Variants in MYO6 observed in about 807,000 individuals in gnomAD.
The protein encoded by MYO6 is myosin VI, also known as unconventional myosin-VI.
Under a neutral mutation model 178.7 loss-of-function variants are expected in MYO6, and 74 were observed. That is an observed-to-expected ratio of 0.41 (90% CI 0.34 to 0.50). The LOEUF (loss-of-function observed/expected upper bound fraction) is 0.50. MYO6 is among the 20% of genes least tolerant of loss of function. The probability of loss-of-function intolerance (pLI) is 0.09; values close to 1 mark genes in which losing one functional copy is unlikely to be tolerated. For missense variants in MYO6, 1,330 were observed against 1,547.4 expected, an observed-to-expected ratio of 0.86 and a Z score of 2.36; for synonymous variants, 477 against 504.6, an observed-to-expected ratio of 0.95 and a Z score of 0.73.
intron 4 of MYO6, among the ~76,000 whole-genome samples, chr6:75,829,088 G>C (rs1355985893): frequency 6.6e-6 from 1 of 152,126 alleles, no homozygotes; most frequent in Non-Finnish European, 1.5e-5. Flanking sequence ...GGTAGTATCT[G>C]AGGAAATACT....
At chr6:75,868,153 T>C (rs531327910) in intron 18 of MYO6, among the ~76,000 whole-genome samples, 6 of 152,168 alleles carry the variant, frequency 3.9e-5, no homozygotes, top group African/African-American at 1.2e-4. Flanking sequence ...AATAACTAAA[T>C]TGATAAAATA....
intron 1 of MYO6, among the ~76,000 whole-genome samples, chr6:75,792,032 C>A (rs575458303): frequency 5.6e-4 from 86 of 152,280 alleles, no homozygotes; most frequent in Middle Eastern, 3.4e-3. Flanking sequence ...CAAAGAGGAG[C>A]CTTGTCCTAG....
chr6:75,817,187 C>T (rs1771346911), intron 1 of MYO6, among the ~76,000 whole-genome samples: 1 of 151,878 alleles, frequency 6.6e-6, no homozygotes, highest in Non-Finnish European at 1.5e-5. Context: ...TGCCTGTAAT[C>T]CCAGCTACTC....
intron 30 of MYO6, among the ~76,000 whole-genome samples, chr6:75,898,783 G>A (rs549496166): frequency 6.6e-6 from 1 of 152,212 alleles, no homozygotes; most frequent in East Asian, 1.9e-4. Context: ...CCTAATTTGG[G>A]CACCACTGTG....
chr6:75,860,949 A>G, intron 14 of MYO6, 74 bp from the exon 15 acceptor site: 1 of 1,097,066 alleles, frequency 9.1e-7, no homozygotes, highest in East Asian at 2.4e-5. Context: ...AGCAAATGTT[A>G]TGTTCAGAAA....
intron 1 of MYO6, among the ~76,000 whole-genome samples, chr6:75,782,504 A>T (rs1198600234): frequency 6.6e-6 from 1 of 152,092 alleles, no homozygotes; most frequent in African/African-American, 2.4e-5. Context: ...AAAGGTTTAT[A>T]CTTGAGTCAT....
At chr6:75,770,277 A>G (rs1765740394) in intron 1 of MYO6, among the ~76,000 whole-genome samples, 1 of 152,222 alleles carries the variant, frequency 6.6e-6, no homozygotes, top group Admixed American at 6.5e-5. Flanking sequence ...TTTTCTTAAA[A>G]GTTATCCTGT....
intron 7 of MYO6, among the ~76,000 whole-genome samples, chr6:75,839,413 C>T (rs1428546533): frequency 6.6e-6 from 1 of 152,080 alleles, no homozygotes; most frequent in Non-Finnish European, 1.5e-5. Flanking sequence ...TGGTCTCGAT[C>T]TTCAGCCCTC....
chr6:75,856,426 A>C (rs984735191), intron 12 of MYO6, among the ~76,000 whole-genome samples: 1 of 152,168 alleles, frequency 6.6e-6, no homozygotes, highest in African/African-American at 2.4e-5. Context: ...GAGAGGCTTA[A>C]GTATCAAATG....
intron 1 of MYO6, among the ~76,000 whole-genome samples, chr6:75,781,631 A>T (rs1186895947): frequency 6.6e-6 from 1 of 152,074 alleles, no homozygotes; most frequent in African/African-American, 2.4e-5. Context: ...AGATAAGATA[A>T]GACAAAGGGG....
chr6:75,859,589 C>T (rs1465952067), intron 14 of MYO6, among the ~76,000 whole-genome samples: 5 of 151,912 alleles, frequency 3.3e-5, no homozygotes, highest in Admixed American at 2.0e-4. Context: ...CGTGAGCCAC[C>T]GCGCCTGGCC....
rs148735953 is a variant in MYO6 at position 75,817,639 on chromosome 6, T to C, written c.92T>C (p.Ile31Thr). Residue 31 changes from isoleucine (I) to threonine (T), a missense_variant, in exon 2 of 35, where the codon ATT becomes ACT. Physicochemically the swap from Ile to Thr is moderately conservative, Grantham distance 89. Around this residue, in one of 3 missense-constraint regions of MYO6, gnomAD observed 116 missense variants for 104.6 expected, o/e 1.11. Transcript: ENST00000369977. ...GATATTGGCCCCGACAGCTTAACAA[T>C]TGAACCCTTGAATCAGAAAGGCAAG... is the stretch of plus-strand genomic sequence containing the variant. ...IVDIGPDSLT[I>T]EPLNQKGKTF... 1.5e-4 allele frequency: 237 copies of C among 1,614,098 alleles called. 2 individuals are homozygous for C. In the African/African-American group the frequency reaches 2.9e-3, roughly 20 times the overall value.
intron 1 of MYO6, among the ~76,000 whole-genome samples, chr6:75,781,055 C>T (rs572731651): frequency 7.9e-5 from 12 of 152,146 alleles, no homozygotes; most frequent in East Asian, 7.7e-4. Context: ...TCAAGTGATC[C>T]GCCCACCTCA....
chr6:75,841,677 G>C (rs142494946), intron 9 of MYO6, among the ~76,000 whole-genome samples: 2 of 152,150 alleles, frequency 1.3e-5, no homozygotes, highest in East Asian at 3.9e-4. Flanking sequence ...CTGGGTAACA[G>C]AGCGAGACCC....
rs767762409 is a variant in MYO6, at chr6:75,862,582, AT to A, written c.1547-8del. On this transcript the variant is annotated splice_polypyrimidine_tract_variant and intron_variant, in intron 15 of 34. Transcript: ENST00000369977. ...TTTTTACACTATTGTGAGTGTTTTC[AT>A]TTTTTGAAATAGATTTAATTGAAGC... 2.5e-6 allele frequency: 4 copies of A among 1,607,794 alleles called. No individual in the cohort carries two copies. In the African/African-American group the frequency reaches 4.0e-5, roughly 16 times the overall value.
chr6:75,857,262 G>T lies in MYO6; in HGVS notation c.1381+8G>T. On this transcript the variant is annotated splice_region_variant and intron_variant, in intron 13 of 34. Transcript: ENST00000369977. Reference sequence around the variant, plus strand: ...TAGATATTGCTGGTTTTGGTAAGTAGAGTTTCTTTTGTGAGTATATATTTG... The same window carrying T: ...TAGATATTGCTGGTTTTGGTAAGTATAGTTTCTTTTGTGAGTATATATTTG... 1 of 1,612,018 alleles carries T rather than the reference G, an allele frequency of 6.2e-7. No individual in the cohort carries two copies. Among genetic ancestry groups the T allele is most frequent in the South Asian group, 1.1e-5 (1 of 91,020 alleles).
intron 1 of MYO6, among the ~76,000 whole-genome samples, chr6:75,756,435 C>T (rs1172704708): frequency 4.6e-5 from 7 of 152,086 alleles, no homozygotes; most frequent in African/African-American, 7.2e-5. Flanking sequence ...CGGGTTCAAG[C>T]GATTCCCCTG....
intron 23 of MYO6, among the ~76,000 whole-genome samples, chr6:75,882,944 A>T (rs1778160301): frequency 6.6e-6 from 1 of 152,184 alleles, no homozygotes; most frequent in Non-Finnish European, 1.5e-5. Context: ...TTTTGATGAG[A>T]TCAGTCAAAA....
rs919274249 is a variant in MYO6, at chr6:75,753,523, A to C, written c.-48+4100A>C. On this transcript the variant is annotated intron_variant, in intron 1 of 34. Transcript: ENST00000369977. ...TCTCATTCATGCCACATGCAGTGGCATGATCTCGGCTTACTGCAACCTCCA... is the reference window on the plus strand; with the variant it reads ...TCTCATTCATGCCACATGCAGTGGCCTGATCTCGGCTTACTGCAACCTCCA... Among the ~76,000 whole-genome samples, 10 of 151,122 alleles carry C rather than the reference A, an allele frequency of 6.6e-5. No individual in the cohort carries two copies. In the South Asian group the frequency reaches 1.7e-3, roughly 25 times the overall value.
Sources: allele counts gnomAD v4.1 joint callset (sites outside exome capture counted in the v4.1 genomes callset), GRCh38; gene constraint gnomAD v4.1.1; regional missense constraint gnomAD v4.1.1; transcripts MANE v1.5; gene names NCBI Gene and HGNC (gene_info 2026-07-23, HGNC 2026-07-21).